The following SDK1 variants were observed in gnomAD, a reference collection of about 807,000 sequenced individuals.
SDK1 encodes the protein sidekick cell adhesion molecule 1, also known as protein sidekick-1.
SDK1 carries 157 observed loss-of-function variants against 245.5 expected under a neutral mutation model. The observed-to-expected ratio is 0.64, with a 90% confidence interval of 0.56 to 0.73. The LOEUF (loss-of-function observed/expected upper bound fraction) is 0.73. Among genes scored for constraint, SDK1 ranks in the 30% least tolerant of loss-of-function variants. The pLI is 0.00. For missense variants in SDK1, 3,583 were observed against 3,002.3 expected, an observed-to-expected ratio of 1.19 and a Z score of -4.52; for synonymous variants, 1,647 against 1,278.5, an observed-to-expected ratio of 1.29 and a Z score of -6.15.
intron 1 of SDK1, among the ~76,000 whole-genome samples, chr7:3,539,462 G>A (rs1778990155): frequency 3.9e-5 from 6 of 152,208 alleles, no homozygotes. Context: ...ACGCAGAAGA[G>A]GGTTTCTTGA....
intron 4 of SDK1, among the ~76,000 whole-genome samples, chr7:3,757,405 A>T (rs1315991844): frequency 6.6e-6 from 1 of 151,980 alleles, no homozygotes; most frequent in African/African-American, 2.4e-5. Flanking sequence ...AATTTTATTT[A>T]AAATTATTTT....
rs112160310 is a variant in SDK1 at position 3,553,893 on chromosome 7, C to G, written c.299-65187C>G. 1.1e-4 allele frequency among the ~76,000 whole-genome samples: 17 copies of G among 152,334 alleles called. 2 individuals are homozygous for G. Among genetic ancestry groups the G allele is most frequent in the African/African-American group, 3.8e-4 (16 of 41,568 alleles). ...GGGGAAGTCCCTTCACTCCCTCAGG[C>G]AGCATCAGCAGGGACCCGTGGGAGC... On this transcript the variant is annotated intron_variant, in intron 1 of 44. Coordinates refer to ENST00000404826, the MANE Select transcript of SDK1 (RefSeq NM_152744.4).
chr7:3,508,412 C>G (rs1011425614), intron 1 of SDK1, among the ~76,000 whole-genome samples: 6 of 150,574 alleles, frequency 4.0e-5, no homozygotes, highest in Admixed American at 6.6e-5. Context: ...ACTGTAACCT[C>G]TACCTCCTCG....
chr7:3,771,218 C>T (rs1396527979), intron 4 of SDK1, among the ~76,000 whole-genome samples: 1 of 152,038 alleles, frequency 6.6e-6, no homozygotes, highest in African/African-American at 2.4e-5. Flanking sequence ...TGGGCTTGTG[C>T]ACATGATGGT....
chr7:4,063,972 A>T (rs1310837664), intron 19 of SDK1, among the ~76,000 whole-genome samples: 2 of 152,202 alleles, frequency 1.3e-5, no homozygotes, highest in Non-Finnish European at 2.9e-5. Context: ...AAATTATAAA[A>T]CTACTAAAAT....
chr7:3,377,196 G>C (rs6462047), intron 1 of SDK1, among the ~76,000 whole-genome samples: 152,120 of 152,350 alleles, frequency 1, 75,947 homozygotes, highest in Middle Eastern at 1. Context: ...CCTTAGACAC[G>C]TTGATTGTGG....
chr7:3,821,685 CTAGTG>C lies in SDK1; in HGVS notation c.847+107_847+111del, dbSNP rs2016861294. ...ACATTTTGCAATAAATTTTCTCTCT[CTAGTG>C]TAGTAGTTACGGTTTAATATTGATC... is the stretch of plus-strand genomic sequence containing the variant. On this transcript the variant is annotated intron_variant, in intron 5 of 44. Coordinates refer to ENST00000404826, the MANE Select transcript of SDK1 (RefSeq NM_152744.4). 8 of 1,294,482 alleles carry C rather than the reference CTAGTG, an allele frequency of 6.2e-6. No individual in the cohort carries two copies. In the South Asian group the frequency reaches 8.4e-5, roughly 14 times the overall value. The allele number at this position is 1,294,482 out of a possible 1,614,324, so 80.2% of individuals were successfully genotyped here. A position where few individuals can be genotyped will look rare whatever the true frequency, so the allele number is the denominator to read the frequency against.
At chr7:4,195,868 A>G (rs2128224145) in intron 35 of SDK1, among the ~76,000 whole-genome samples, 1 of 152,204 alleles carries the variant, frequency 6.6e-6, no homozygotes, top group South Asian at 2.1e-4. Flanking sequence ...GCCTGCTAAC[A>G]TGTGCCCTTG....
chr7:3,925,534 G>C (rs1779737216), intron 5 of SDK1, among the ~76,000 whole-genome samples: 1 of 152,214 alleles, frequency 6.6e-6, no homozygotes, highest in South Asian at 2.1e-4. Context: ...AGTGGAGACA[G>C]ATGAACGCAT....
intron 19 of SDK1, among the ~76,000 whole-genome samples, chr7:4,065,990 T>C (rs1299286634): frequency 2.0e-5 from 3 of 152,114 alleles, no homozygotes; most frequent in Non-Finnish European, 4.4e-5. Context: ...TAAAAAGATT[T>C]GAATGTGGCG....
intron 1 of SDK1, among the ~76,000 whole-genome samples, chr7:3,486,836 C>CTAA (rs1471755523): frequency 5.9e-5 from 9 of 152,042 alleles, no homozygotes; most frequent in African/African-American, 1.9e-4. Flanking sequence ...TGTGAACATT[C>CTAA]CACATGTTTG....
At chr7:3,958,173 T>C (rs1781411382) in intron 7 of SDK1, 1 of 349,850 alleles carries the variant, frequency 2.9e-6, no homozygotes, top group Non-Finnish European at 5.6e-6. Flanking sequence ...GCACAGAAAG[T>C]GAACACAACA....
chr7:4,223,994 T>A (rs572899250), intron 40 of SDK1, among the ~76,000 whole-genome samples: 1 of 152,268 alleles, frequency 6.6e-6, no homozygotes, highest in East Asian at 1.9e-4. Context: ...GGGATAACGG[T>A]GGCCACAGGT....
intron 1 of SDK1, among the ~76,000 whole-genome samples, chr7:3,562,165 A>G (rs1779770770): frequency 6.6e-6 from 1 of 152,126 alleles, no homozygotes; most frequent in Non-Finnish European, 1.5e-5. Context: ...ACTGCATAGC[A>G]CCCTAGTGAA....
At chr7:4,242,932 C>T (rs1316792222) in intron 43 of SDK1, among the ~76,000 whole-genome samples, 1 of 152,252 alleles carries the variant, frequency 6.6e-6, no homozygotes, top group Non-Finnish European at 1.5e-5. Flanking sequence ...GCCAGCCCCA[C>T]AGGTGCCAGT....
At chr7:3,633,580 G>C (rs1020286575) in intron 2 of SDK1, among the ~76,000 whole-genome samples, 1 of 152,070 alleles carries the variant, frequency 6.6e-6, no homozygotes, top group East Asian at 1.9e-4. Context: ...GGTTTACCAA[G>C]AGCCATGTTT....
At chr7:3,669,829 GCTTC>G (rs1321911922) in intron 4 of SDK1, among the ~76,000 whole-genome samples, 4 of 152,136 alleles carry the variant, frequency 2.6e-5, no homozygotes, top group Non-Finnish European at 5.9e-5. Flanking sequence ...TTTCAAAGGT[GCTTC>G]ATACTCAGTA....
chr7:4,157,948 G>C (rs1780873619), intron 30 of SDK1, among the ~76,000 whole-genome samples: 2 of 152,186 alleles, frequency 1.3e-5, no homozygotes, highest in Non-Finnish European at 2.9e-5. Flanking sequence ...GGAGGACGGA[G>C]CGTGAGAATC....
intron 4 of SDK1, among the ~76,000 whole-genome samples, chr7:3,690,382 A>G (rs1044282571): frequency 1.1e-4 from 16 of 152,194 alleles, no homozygotes; most frequent in African/African-American, 3.9e-4. Flanking sequence ...TGACAAAAGT[A>G]TAATAATTTA....
Sources: allele counts gnomAD v4.1 joint callset (sites outside exome capture counted in the v4.1 genomes callset), GRCh38; gene constraint gnomAD v4.1.1; transcripts MANE v1.5; gene names NCBI Gene and HGNC (gene_info 2026-07-23, HGNC 2026-07-21).